Variants in NEK10 observed in about 807,000 individuals in gnomAD.
NEK10 encodes the protein serine/threonine-protein kinase Nek10.
A neutral mutation model predicts 159.8 loss-of-function variants in NEK10; 122 were observed. The observed-to-expected ratio is 0.76, with a 90% confidence interval of 0.66 to 0.89. NEK10 has a LOEUF of 0.89. Ranked by LOEUF, NEK10 falls within the 40% of genes least tolerant of loss-of-function variation. The pLI is 0.00. For missense variants in NEK10, 1,342 were observed against 1,323.1 expected, an observed-to-expected ratio of 1.01 and a Z score of -0.22; for synonymous variants, 466 against 457.1, an observed-to-expected ratio of 1.02 and a Z score of -0.25.
chr3:27,280,937 GTA>G lies in NEK10; in HGVS notation c.2014+3663_2014+3664del, dbSNP rs60206819. On this transcript the variant is annotated intron_variant, in intron 22 of 35. Transcript: ENST00000691995. ...GGTGTGTGTGTGTGTGTGTGTGTGT[GTA>G]TATGTATATGCATATATATATATAC... Among the ~76,000 whole-genome samples the G allele has an allele frequency of 4.1e-3, 617 of 149,586 alleles. 8 individuals carry two copies. The highest frequency in any genetic ancestry group is 0.013 in the African/African-American group (516 of 40,604).
intron 25 of NEK10, among the ~76,000 whole-genome samples, chr3:27,200,666 T>A (rs1168705125): frequency 6.6e-6 from 1 of 152,172 alleles, no homozygotes; most frequent in Non-Finnish European, 1.5e-5. Flanking sequence ...ACAAAACTCA[T>A]GTATGCACAT....
chr3:27,352,446 C>T lies in NEK10; in HGVS notation c.132+19G>A, dbSNP rs376485731. On this transcript the variant is annotated intron_variant, in intron 3 of 35. Transcript: ENST00000691995. ...GATTTTTCTTTTATTACCAAGTGAA[C>T]ATTCTTTGAAAACGCTACCTGTTGT... 1.3e-6 allele frequency: 2 copies of T among 1,576,906 alleles called. No homozygotes were observed. The highest frequency in any genetic ancestry group is 1.7e-6 in the Non-Finnish European group (2 of 1,146,690).
At chr3:27,164,333 A>G (rs1946286938) in intron 29 of NEK10, among the ~76,000 whole-genome samples, 1 of 152,160 alleles carries the variant, frequency 6.6e-6, no homozygotes, top group African/African-American at 2.4e-5. Flanking sequence ...CAAATGCCAT[A>G]CCCCAGCAAA....
chr3:27,310,883 G>T, intron 9 of NEK10, 66 bp downstream of exon 9: 3 of 1,000,122 alleles, frequency 3.0e-6, no homozygotes, highest in South Asian at 1.4e-5. Context: ...CAAAGGCTCT[G>T]AACTTCCCTA....
chr3:27,364,325 C>T (rs1053879299), intron 1 of NEK10, among the ~76,000 whole-genome samples: 4 of 148,930 alleles, frequency 2.7e-5, no homozygotes, highest in Non-Finnish European at 5.9e-5. Flanking sequence ...GAATTGCAGG[C>T]GCCCACCACC....
At chr3:27,350,156 T>A (rs2047867194) in intron 3 of NEK10, among the ~76,000 whole-genome samples, 1 of 152,168 alleles carries the variant, frequency 6.6e-6, no homozygotes, top group Non-Finnish European at 1.5e-5. Context: ...GAGTGGGCCT[T>A]AATCACAGGT....
At chr3:27,295,561 T>C in intron 15 of NEK10, 52 bp downstream of exon 15, 10 of 1,527,552 alleles carry the variant, frequency 6.5e-6, no homozygotes, top group Non-Finnish European at 8.8e-6. Flanking sequence ...TTACCATAGT[T>C]ACCCAAGATT....
chr3:27,222,451 A>T (rs1277503930), intron 23 of NEK10, among the ~76,000 whole-genome samples: 1 of 152,278 alleles, frequency 6.6e-6, no homozygotes, highest in Non-Finnish European at 1.5e-5. Context: ...CCTAGTATGC[A>T]TAAATGGGTA....
At chr3:27,220,205 T>G (rs1226522216) in intron 23 of NEK10, among the ~76,000 whole-genome samples, 2 of 152,254 alleles carry the variant, frequency 1.3e-5, no homozygotes, top group Non-Finnish European at 1.5e-5. Context: ...ACACACATCT[T>G]ATAGTCCTGA....
At chr3:27,126,682 C>A (rs1162864581) in intron 32 of NEK10, among the ~76,000 whole-genome samples, 1 of 151,928 alleles carries the variant, frequency 6.6e-6, no homozygotes, top group Admixed American at 6.6e-5. Flanking sequence ...TTGATATAAA[C>A]AATAAAATGT....
intron 30 of NEK10, among the ~76,000 whole-genome samples, chr3:27,160,712 C>A (rs1335075737): frequency 6.6e-6 from 1 of 152,042 alleles, no homozygotes; most frequent in African/African-American, 2.4e-5. Flanking sequence ...TAGAGACCAG[C>A]CTGGCCAATA....
chr3:27,232,692 T>A (rs998923808), intron 23 of NEK10, among the ~76,000 whole-genome samples: 1 of 152,030 alleles, frequency 6.6e-6, no homozygotes. Context: ...GCAAACAGCA[T>A]GTTACTGGTA....
intron 25 of NEK10, 33 bp downstream of exon 25, chr3:27,201,477 T>A (rs1370737976): frequency 1.3e-6 from 2 of 1,562,974 alleles, no homozygotes; most frequent in East Asian, 2.2e-5. Context: ...TTCTTGATTG[T>A]CCCTACATGT....
intron 20 of NEK10, among the ~76,000 whole-genome samples, 176 bp from the exon 21 acceptor site, chr3:27,285,137 G>T (rs906740929): frequency 6.6e-6 from 1 of 152,102 alleles, no homozygotes; most frequent in East Asian, 1.9e-4. Flanking sequence ...GGAGGTGAGG[G>T]GGTCTTAGGG....
intron 33 of NEK10, among the ~76,000 whole-genome samples, chr3:27,117,999 G>T (rs970845136): frequency 3.9e-5 from 6 of 152,130 alleles, no homozygotes; most frequent in Non-Finnish European, 7.3e-5. Flanking sequence ...TTTGTATAAG[G>T]TGTAAGGAAG....
intron 3 of NEK10, among the ~76,000 whole-genome samples, 190 bp downstream of exon 3, chr3:27,352,275 G>A (rs1045371727): frequency 2.0e-5 from 3 of 152,154 alleles, no homozygotes; most frequent in Non-Finnish European, 2.9e-5. Context: ...CCTGAGAGAC[G>A]AATGTGGATG....
At chr3:27,347,692 A>G (rs2047668281) in intron 3 of NEK10, among the ~76,000 whole-genome samples, 1 of 152,110 alleles carries the variant, frequency 6.6e-6, no homozygotes. Context: ...GTTAATAATA[A>G]ATCTTCCATC....
chr3:27,145,846 T>C (rs1451427287), intron 30 of NEK10, among the ~76,000 whole-genome samples: 1 of 149,620 alleles, frequency 6.7e-6, no homozygotes, highest in Non-Finnish European at 1.5e-5. Context: ...TTGGAGGAAG[T>C]GAGCTTGGGA....
At chr3:27,162,650 T>C (rs774323115) in intron 30 of NEK10, 51 bp downstream of exon 30, 93 of 1,613,888 alleles carry the variant, frequency 5.8e-5, no homozygotes, top group Non-Finnish European at 7.5e-5. Flanking sequence ...ATAAATTACA[T>C]TGAATTTTAG....
Sources: gnomAD v4.1 joint callset for allele counts (sites outside exome capture counted in the v4.1 genomes callset) on GRCh38, gnomAD v4.1.1 for gene constraint, MANE v1.5 for transcripts, NCBI Gene and HGNC (gene_info 2026-07-23, HGNC 2026-07-21) for gene names.